NMS: variants seen among roughly 807,000 people sequenced by gnomAD.
The protein encoded by NMS is neuromedin S, also known as neuromedin-S.
In NMS, 30 loss-of-function variants were observed where a neutral mutation model predicts 32.2. That is an observed-to-expected ratio of 0.93 (90% confidence interval 0.70 to 1.26). The LOEUF is 1.26. Ranked by LOEUF, NMS falls within the 50% of genes most tolerant of loss-of-function variation. The pLI is 0.00. For synonymous variants in NMS, 76 were observed against 58.5 expected (o/e 1.30, Z -1.37); for missense variants, 190 against 186.3 (o/e 1.02, Z -0.12).
intron 1 of NMS, among the ~76,000 whole-genome samples, chr2:100,472,496 C>T (rs954862564): frequency 2.0e-5 from 3 of 152,124 alleles, no homozygotes; most frequent in African/African-American, 7.2e-5. Flanking sequence ...GATTTTTTTC[C>T]TCCTCTTTGC....
At chr2:100,471,420 G>A (rs1238912161) in intron 1 of NMS, among the ~76,000 whole-genome samples, 3 of 152,248 alleles carry the variant, frequency 2.0e-5, no homozygotes, top group East Asian at 3.9e-4. Flanking sequence ...AAGGTCATCT[G>A]GTTTAACCTC....
rs750468837 is a variant in NMS at position 100,472,794 on chromosome 2, G to A, written c.77-1G>A. ...AATAATTTTATGATTTCTCACAATA[G>A]GATTTCCTCAACCTTTAGCTGATCC... On this transcript the variant is annotated splice_acceptor_variant, in intron 1 of 9. Coordinates refer to ENST00000376865, the MANE Select transcript of NMS (RefSeq NM_001011717.1). LOFTEE classifies it high-confidence loss of function. 1.0e-5 allele frequency: 16 copies of A among 1,599,416 alleles called. No homozygotes were observed. Among genetic ancestry groups the A allele is most frequent in the South Asian group, 3.3e-5 (3 of 90,292 alleles).
At chr2:100,481,088 T>C in intron 7 of NMS, 38 bp from the exon 8 acceptor site, 1 of 1,606,600 alleles carries the variant, frequency 6.2e-7, no homozygotes, top group East Asian at 2.2e-5. Context: ...TGTAATGCAA[T>C]ATGGTTGCAT....
Position 100,470,570 on chromosome 2 carries a change from G to A in NMS, c.76+6G>A. On this transcript the variant is annotated splice_donor_region_variant and intron_variant, in intron 1 of 9. Coordinates refer to ENST00000376865, the MANE Select transcript of NMS (RefSeq NM_001011717.1). Reference sequence around the variant, plus strand: ...GCTACAGATTCCCTCCTCAGGTAAGGGGAGCTTCCTCAGACTCCATCTGGC... The same window carrying A: ...GCTACAGATTCCCTCCTCAGGTAAGAGGAGCTTCCTCAGACTCCATCTGGC... The A allele has an allele frequency of 6.2e-7, 1 of 1,610,558 alleles. No homozygotes were observed. The highest frequency in any genetic ancestry group is 8.5e-7 in the Non-Finnish European group (1 of 1,176,914).
At chr2:100,481,214 A>G in intron 8 of NMS, 47 bp downstream of exon 8, 1 of 1,574,376 alleles carries the variant, frequency 6.4e-7, no homozygotes, top group African/African-American at 1.3e-5. Flanking sequence ...GATTCACTGC[A>G]GCCATCCCAA....
At position 100,478,237 on chromosome 2, in the gene NMS, C is replaced by T. The variant is rs147000872; in HGVS notation, c.261+823C>T. Among the ~76,000 whole-genome samples the T allele has an allele frequency of 6.3e-4, 96 of 152,280 alleles. 1 individual carries two copies. In the East Asian group the frequency reaches 0.016, roughly 26 times the overall value. On this transcript the variant is annotated intron_variant, in intron 5 of 9. Coordinates refer to ENST00000376865, the MANE Select transcript of NMS (RefSeq NM_001011717.1). Reference sequence around the variant, plus strand: ...TTGGCCTCCCAAAGTGCTGGGATTACAGGCGTGAGCCACCATGCCCAGCCA... The same window carrying T: ...TTGGCCTCCCAAAGTGCTGGGATTATAGGCGTGAGCCACCATGCCCAGCCA...
intron 6 of NMS, 91 bp downstream of exon 6, chr2:100,479,518 C>A: frequency 9.0e-7 from 1 of 1,111,160 alleles, no homozygotes; most frequent in South Asian, 1.5e-5. Context: ...GGCTTGCTGT[C>A]ATTCTCTCCT....
At chr2:100,472,166 T>C (rs1159201991) in intron 1 of NMS, among the ~76,000 whole-genome samples, 1 of 152,240 alleles carries the variant, frequency 6.6e-6, no homozygotes, top group Non-Finnish European at 1.5e-5. Flanking sequence ...TTTATATTTA[T>C]CCATCTAATT....
At chr2:100,471,516 C>G (rs1677005631) in intron 1 of NMS, among the ~76,000 whole-genome samples, 1 of 152,204 alleles carries the variant, frequency 6.6e-6, no homozygotes, top group African/African-American at 2.4e-5. Flanking sequence ...CTATGACAGC[C>G]AGGTTCTGCC....
chr2:100,477,500 A>G, intron 5 of NMS, 86 bp downstream of exon 5: 1 of 1,015,544 alleles, frequency 9.8e-7, no homozygotes. Context: ...GCAGACAAGT[A>G]GAAAAGCTGG....
chr2:100,476,528 T>A (rs998933960), intron 3 of NMS, among the ~76,000 whole-genome samples: 2 of 152,240 alleles, frequency 1.3e-5, no homozygotes, highest in African/African-American at 4.8e-5. Flanking sequence ...TTGTCTTGAT[T>A]GAGGTTTCAG....
At position 100,479,616 on chromosome 2, in the gene NMS, C is replaced by T. The variant is rs1245863317; in HGVS notation, c.336+189C>T. 2.0e-5 allele frequency among the ~76,000 whole-genome samples: 3 copies of T among 152,200 alleles called. No individual in the cohort carries two copies. In the East Asian group the frequency reaches 5.8e-4, roughly 29 times the overall value. On this transcript the variant is annotated intron_variant, in intron 6 of 9. Transcript: ENST00000376865. The stretch of plus-strand genomic sequence containing the variant: ...CGGGCCTCAGTTTCCTCCACTGAAA[C>T]CCCATGAGGTGGTTTGAAGGGCCCG...
Position 100,473,254 on chromosome 2 carries a change from A to G in NMS, c.133-235A>G, listed in dbSNP as rs538755512. Among the ~76,000 whole-genome samples, 253 of 152,310 alleles carry G rather than the reference A, an allele frequency of 1.7e-3. 1 individual carries two copies. Among genetic ancestry groups the G allele is most frequent in the African/African-American group, 5.8e-3 (242 of 41,584 alleles). On this transcript the variant is annotated intron_variant, in intron 2 of 9. Transcript: ENST00000376865. Reference sequence around the variant, plus strand: ...TGGGGGAAATGGAATATCGATGGATATTAAACATTTACCTTAAATAGTTAC... The same window carrying G: ...TGGGGGAAATGGAATATCGATGGATGTTAAACATTTACCTTAAATAGTTAC...
At chr2:100,479,483 T>TGAG in intron 6 of NMS, 56 bp downstream of exon 6, 1 of 1,458,562 alleles carries the variant, frequency 6.9e-7, no homozygotes, top group Non-Finnish European at 9.5e-7. Flanking sequence ...CATTGAATCG[T>TGAG]GGTAAAAGCA....
At chr2:100,483,226 A>T (rs1301159981) in intron 9 of NMS, 26 bp from the exon 10 acceptor site, 12 of 1,606,804 alleles carry the variant, frequency 7.5e-6, no homozygotes, top group Non-Finnish European at 1.0e-5. Flanking sequence ...TGAACTGAGC[A>T]GTGCATTTTT....
At chr2:100,483,180 C>T in intron 9 of NMS, 72 bp from the exon 10 acceptor site, 1 of 1,342,210 alleles carries the variant, frequency 7.5e-7, no homozygotes, top group Non-Finnish European at 1.1e-6. Flanking sequence ...ACATAATAAC[C>T]TGCCCATGGG....
chr2:100,473,360 G>C, intron 2 of NMS, 129 bp from the exon 3 acceptor site: 1 of 360,000 alleles, frequency 2.8e-6, no homozygotes, highest in Non-Finnish European at 5.1e-6. Context: ...TTATACTATA[G>C]TCACTCTACT....
At chr2:100,471,137 C>G (rs570943523) in intron 1 of NMS, among the ~76,000 whole-genome samples, 1 of 152,318 alleles carries the variant, frequency 6.6e-6, no homozygotes, top group South Asian at 2.1e-4. Flanking sequence ...GCCTCACCGA[C>G]TCTGAGAACT....
At chr2:100,481,670 G>A (rs1457316790) in intron 8 of NMS, among the ~76,000 whole-genome samples, 5 of 152,142 alleles carry the variant, frequency 3.3e-5, no homozygotes, top group African/African-American at 1.2e-4. Context: ...CTAGATCCAT[G>A]CCCCCCAGAA....
Sources: allele counts gnomAD v4.1 joint callset (sites outside exome capture counted in the v4.1 genomes callset), GRCh38; gene constraint gnomAD v4.1.1; transcripts MANE v1.5; gene names NCBI Gene and HGNC (gene_info 2026-07-23, HGNC 2026-07-21).